Variants in TBCD observed in about 807,000 individuals in gnomAD.
The protein encoded by TBCD is tubulin-specific chaperone D.
Under a neutral mutation model 169.3 loss-of-function variants are expected in TBCD, and 105 were observed. The observed-to-expected ratio is 0.62, with a 90% confidence interval of 0.53 to 0.73. The LOEUF is 0.73. TBCD is among the 30% of genes least tolerant of loss of function. The pLI is 0.00. For synonymous variants in TBCD, 700 were observed against 643.9 expected, an observed-to-expected ratio of 1.09 and a Z score of -1.32; for missense variants, 1,444 against 1,600.1, an observed-to-expected ratio of 0.90 and a Z score of 1.66.
At chr17:82,926,760 T>C (rs1274641838) in intron 28 of TBCD, 1 of 557,444 alleles carries the variant, frequency 1.8e-6, no homozygotes, top group African/African-American at 1.9e-5. Flanking sequence ...AAAGAGGAGC[T>C]GACCCTGCCA....
chr17:82,852,114 C>T (rs905814825), intron 13 of TBCD, among the ~76,000 whole-genome samples: 3 of 151,914 alleles, frequency 2.0e-5, no homozygotes, highest in African/African-American at 4.8e-5. Flanking sequence ...TTTTACCCCA[C>T]GCTCCTTCGC....
In TBCD at chr17:82,939,474, G is replaced by C; in HGVS notation, c.3477G>C (p.Ala1159=). The change falls in exon 37 of 39, where the codon GCG becomes GCC. Residue 1159 remains alanine, a splice_region_variant and synonymous_variant. Transcript: ENST00000355528. ...DEVVTVLSDT[A]WDAELAVVRE... is the part of the protein sequence containing the mutation. ...TGGTGACTGTGCTCAGTGACACTGC[G>C]TGGTGAGTGAAGGCCCTTCCTGCAC... 6.2e-7 allele frequency: 1 copy of C among 1,612,412 alleles called. No homozygotes were observed. The highest frequency in any genetic ancestry group is 8.5e-7 in the Non-Finnish European group (1 of 1,179,236).
At chr17:82,882,408 G>T (rs75560476) in intron 14 of TBCD, among the ~76,000 whole-genome samples, 4 of 152,202 alleles carry the variant, frequency 2.6e-5, no homozygotes, top group Non-Finnish European at 4.4e-5. Flanking sequence ...GCGGGCACCT[G>T]TGCCCAGCAC....
At chr17:82,807,758 G>T (rs563635428) in intron 11 of TBCD, 90 bp downstream of exon 11, 3 of 1,065,020 alleles carry the variant, frequency 2.8e-6, no homozygotes, top group South Asian at 5.3e-5. Context: ...CAGCTTTGGA[G>T]TGGCAGCGCG....
At chr17:82,885,573 C>T (rs2058661373) in intron 15 of TBCD, among the ~76,000 whole-genome samples, 1 of 152,072 alleles carries the variant, frequency 6.6e-6, no homozygotes, top group Non-Finnish European at 1.5e-5. Flanking sequence ...CATTTTTGCC[C>T]TGCTATTTAC....
Position 82,860,964 on chromosome 17 carries a change from G to A in TBCD, c.1319-9260G>A, listed in dbSNP as rs538056360. ...AGGGTGGCCAGGGACTTGGCGGGGG[G>A]AGCTCTTCAGAATCTGTCACATGCA... On this transcript the variant is annotated intron_variant, in intron 13 of 38. Transcript: ENST00000355528. Among the ~76,000 whole-genome samples the A allele has an allele frequency of 1.9e-3, 290 of 152,300 alleles. 3 individuals carry two copies. The highest frequency in any genetic ancestry group is 6.8e-3 in the African/African-American group (284 of 41,550).
intron 13 of TBCD, among the ~76,000 whole-genome samples, chr17:82,849,406 G>A (rs2055457910): frequency 6.6e-6 from 1 of 152,218 alleles, no homozygotes; most frequent in African/African-American, 2.4e-5. Context: ...TCCATCCATT[G>A]CAGTGAAATC....
chr17:82,781,274 C>A (rs563886910), intron 6 of TBCD, among the ~76,000 whole-genome samples: 1 of 45,092 alleles, frequency 2.2e-5, no homozygotes, highest in Non-Finnish European at 4.2e-5. Context: ...GGCTCCCTGG[C>A]GGTGATGGGG....
rs150333901 is a variant in TBCD, at chr17:82,919,336, C to T, written c.2039-1220C>T. On this transcript the variant is annotated intron_variant, in intron 23 of 38. Transcript: ENST00000355528. ...CTAACAGATTTTATCATAATAATTC[C>T]ACAAGGTAGAAACAAAAGGAGATAA... is the stretch of plus-strand genomic sequence containing the variant. Among the ~76,000 whole-genome samples, 42 of 152,114 alleles carry T rather than the reference C, an allele frequency of 2.8e-4. No individual in the cohort carries two copies. The East Asian group carries it at 6.4e-3, about 23-fold the overall frequency.
chr17:82,867,667 C>T (rs1047070823), intron 13 of TBCD, among the ~76,000 whole-genome samples: 9 of 152,224 alleles, frequency 5.9e-5, no homozygotes, highest in Admixed American at 3.3e-4. Context: ...TCATCTTGAA[C>T]CCGCTTATTA....
At chr17:82,888,182 T>C (rs2058884598) in intron 15 of TBCD, among the ~76,000 whole-genome samples, 1 of 152,234 alleles carries the variant, frequency 6.6e-6, no homozygotes, top group African/African-American at 2.4e-5. Context: ...CCTCGCCCGG[T>C]CCCGGGGATG....
chr17:82,814,835 C>T lies in TBCD; in HGVS notation c.1224-5C>T, dbSNP rs746746111. The T allele has an allele frequency of 7.4e-6, 12 of 1,613,824 alleles. No homozygotes were observed. Among genetic ancestry groups the T allele is most frequent in the East Asian group, 6.7e-5 (3 of 44,876 alleles). On this transcript the variant is annotated splice_region_variant and splice_polypyrimidine_tract_variant and intron_variant, in intron 12 of 38. Transcript: ENST00000355528. ...CTGTGGTCTCAGGATCTTTGTTGCT[C>T]TCAGTTTCCAGGAGACTGACAAGGC...
At chr17:82,914,576 G>A (rs901381885) in intron 23 of TBCD, among the ~76,000 whole-genome samples, 2 of 152,276 alleles carry the variant, frequency 1.3e-5, no homozygotes, top group Admixed American at 1.3e-4. Context: ...ATGTCGCCTC[G>A]CACCGTGGCG....
In TBCD at chr17:82,835,579, C is replaced by A. The variant is rs558232769; in HGVS notation, c.1318+20645C>A. Among the ~76,000 whole-genome samples, 78 of 152,090 alleles carry A rather than the reference C, an allele frequency of 5.1e-4. No homozygotes were observed. The highest frequency in any genetic ancestry group is 1.6e-3 in the African/African-American group (66 of 41,510). On this transcript the variant is annotated intron_variant, in intron 13 of 38. Coordinates refer to ENST00000355528, the MANE Select transcript of TBCD (RefSeq NM_005993.5). This position sits in a 1 kb window ranked among gnomAD's most constrained non-coding sequence, Gnocchi z 4.5. ...CTGGGATTACAGGTGCCTACCACCACGCCCAGCTAATTTTTTTGTAATTTT... is the reference window on the plus strand; with the variant it reads ...CTGGGATTACAGGTGCCTACCACCAAGCCCAGCTAATTTTTTTGTAATTTT...
At chr17:82,809,894 A>T in intron 12 of TBCD, 112 bp downstream of exon 12, 1 of 960,860 alleles carries the variant, frequency 1.0e-6, no homozygotes, top group East Asian at 2.7e-5. Context: ...TCAGAACTCC[A>T]GAAGCTCTTT....
intron 13 of TBCD, among the ~76,000 whole-genome samples, chr17:82,863,609 G>A (rs80243549): frequency 4.6e-5 from 7 of 152,064 alleles, no homozygotes; most frequent in East Asian, 1.9e-4. Context: ...TGCTCGGGAC[G>A]CAGCCTTTGG....
chr17:82,839,698 C>T (rs926265865), intron 13 of TBCD, among the ~76,000 whole-genome samples: 5 of 152,094 alleles, frequency 3.3e-5, no homozygotes, highest in African/African-American at 1.2e-4. Context: ...AGTTAATTTC[C>T]AGATAAGCTT....
chr17:82,775,759 G>C, intron 6 of TBCD, among the ~76,000 whole-genome samples: 1 of 112,262 alleles, frequency 8.9e-6, no homozygotes, highest in East Asian at 3.2e-4. Context: ...GGGGAGGGGG[G>C]AGGGATAGCA....
At chr17:82,868,118 G>A (rs1406929376) in intron 13 of TBCD, among the ~76,000 whole-genome samples, 1 of 152,172 alleles carries the variant, frequency 6.6e-6, no homozygotes, top group Non-Finnish European at 1.5e-5. Context: ...CGTGGCTGCC[G>A]CAGTTGGGGC....
Sources: allele counts gnomAD v4.1 joint callset (sites outside exome capture counted in the v4.1 genomes callset), GRCh38; gene constraint gnomAD v4.1.1; non-coding constraint Gnocchi (gnomAD v3.1); transcripts MANE v1.5; gene names NCBI Gene and HGNC (gene_info 2026-07-23, HGNC 2026-07-21).